Variants in KIAA1217 observed in about 807,000 individuals in gnomAD.
The protein encoded by KIAA1217 is sickle tail protein homolog.
Under a neutral mutation model 163.9 loss-of-function variants are expected in KIAA1217, and 88 were observed. The observed-to-expected ratio is 0.54, with a 90% CI of 0.45 to 0.64. The LOEUF is 0.64. Ranked by LOEUF, KIAA1217 falls within the 30% of genes least tolerant of loss-of-function variation. The pLI is 0.00. For missense variants in KIAA1217, 2,372 were observed against 2,475.0 expected (o/e 0.96, Z 0.88); for synonymous variants, 903 against 923.1 (o/e 0.98, Z 0.39).
chr10:24,309,811 C>T (rs2042478294), intron 2 of KIAA1217, among the ~76,000 whole-genome samples: 1 of 152,148 alleles, frequency 6.6e-6, no homozygotes, highest in Non-Finnish European at 1.5e-5. Context: ...CAGGGTGGCT[C>T]TTCCCTGGTT....
intron 2 of KIAA1217, among the ~76,000 whole-genome samples, chr10:24,139,459 T>C (rs1319196572): frequency 1.3e-5 from 2 of 152,114 alleles, no homozygotes; most frequent in Non-Finnish European, 2.9e-5. Flanking sequence ...GCCAAAATAT[T>C]CTAATTATTA....
intron 2 of KIAA1217, among the ~76,000 whole-genome samples, chr10:24,248,572 G>C (rs2074101794): frequency 6.8e-6 from 1 of 146,392 alleles, no homozygotes; most frequent in Admixed American, 7.3e-5. Context: ...TAGGGGGGCT[G>C]AGACAGGAGA....
chr10:23,975,256 C>T (rs1251392905), intron 1 of KIAA1217, among the ~76,000 whole-genome samples: 2 of 152,102 alleles, frequency 1.3e-5, no homozygotes, highest in South Asian at 2.1e-4. Context: ...TTTACTGCTC[C>T]GTGGGTCTCT....
At chr10:24,545,506 T>TCA (rs1411098410) in intron 20 of KIAA1217, 2 of 1,289,970 alleles carry the variant, frequency 1.6e-6, no homozygotes, top group African/African-American at 3.0e-5. Flanking sequence ...TAACACTCCG[T>TCA]CACAATGCCC....
intron 2 of KIAA1217, among the ~76,000 whole-genome samples, chr10:24,242,427 C>T (rs967255080): frequency 2.0e-5 from 3 of 152,200 alleles, no homozygotes; most frequent in African/African-American, 7.2e-5. Flanking sequence ...GAAATGATTT[C>T]ATTCTTTTTT....
At chr10:23,737,292 A>G (rs7899462) in intron 1 of KIAA1217, among the ~76,000 whole-genome samples, 33,170 of 151,910 alleles carry the variant, frequency 0.22, 3,858 homozygotes, top group African/African-American at 0.28. Flanking sequence ...TCTGCCTCCC[A>G]GGTTCAAGCG....
At chr10:23,920,834 T>C (rs1157348342) in intron 1 of KIAA1217, among the ~76,000 whole-genome samples, 1 of 152,184 alleles carries the variant, frequency 6.6e-6, no homozygotes, top group Non-Finnish European at 1.5e-5. Flanking sequence ...TCATGTATCA[T>C]GGAAGGGACA....
In KIAA1217 at chr10:23,981,567, C is replaced by T. The variant is rs1215446762; in HGVS notation, c.-320-25658C>T. Among the ~76,000 whole-genome samples the T allele has an allele frequency of 3.9e-5, 6 of 152,252 alleles. No homozygotes were observed. The East Asian group carries it at 7.7e-4, about 20-fold the overall frequency. On this transcript the variant is annotated intron_variant, in intron 1 of 18. Coordinates refer to the KIAA1217 transcript ENST00000376462. ...GCAGGTAATAATAAGCTAAAAAATG[C>T]ATTTCTTTTATTTTCTGTAAGGATT...
intron 2 of KIAA1217, among the ~76,000 whole-genome samples, chr10:24,067,846 G>T (rs905517083): frequency 5.9e-5 from 9 of 152,210 alleles, no homozygotes; most frequent in Non-Finnish European, 1.3e-4. Context: ...GCAATGGCGG[G>T]TGCCCCTCCC....
chr10:24,256,138 G>A (rs1261361655), intron 2 of KIAA1217, among the ~76,000 whole-genome samples: 1 of 151,434 alleles, frequency 6.6e-6, no homozygotes, highest in Non-Finnish European at 1.5e-5. Flanking sequence ...CTAAAAGCAG[G>A]CACAGTTGCC....
chr10:24,061,123 T>C (rs1371288483), intron 2 of KIAA1217, among the ~76,000 whole-genome samples: 1 of 152,200 alleles, frequency 6.6e-6, no homozygotes, highest in African/African-American at 2.4e-5. Flanking sequence ...AAAATTAATA[T>C]GTTTTGATTC....
chr10:24,360,196 G>A lies in KIAA1217; in HGVS notation c.355-20673G>A, dbSNP rs576105138. ...CGAGTAGCTGGGATTACAGGCACACGCCACCATACCCGGCTAATTCTTTGT... is the reference window on the plus strand; with the variant it reads ...CGAGTAGCTGGGATTACAGGCACACACCACCATACCCGGCTAATTCTTTGT... On this transcript the variant is annotated intron_variant, in intron 2 of 20. Coordinates refer to ENST00000376454, the MANE Select transcript of KIAA1217 (RefSeq NM_019590.5). 1.8e-4 allele frequency among the ~76,000 whole-genome samples: 28 copies of A among 151,840 alleles called. 1 individual carries two copies. Among genetic ancestry groups the A allele is most frequent in the South Asian group, 1.7e-3 (8 of 4,798 alleles).
chr10:24,167,795 T>C (rs1007829657), intron 2 of KIAA1217, among the ~76,000 whole-genome samples: 31 of 152,302 alleles, frequency 2.0e-4, no homozygotes, highest in African/African-American at 7.0e-4. Context: ...GAGAAATTTA[T>C]TGGCTCATAA....
chr10:23,840,721 TGTAA>T (rs1342134754), intron 1 of KIAA1217, among the ~76,000 whole-genome samples: 5 of 152,232 alleles, frequency 3.3e-5, no homozygotes, highest in African/African-American at 1.2e-4. Flanking sequence ...ATGTGTTTAT[TGTAA>T]GTTACAGTAC....
chr10:23,835,764 A>G (rs1838416974), intron 1 of KIAA1217, among the ~76,000 whole-genome samples: 1 of 151,964 alleles, frequency 6.6e-6, no homozygotes, highest in South Asian at 2.1e-4. Flanking sequence ...CCCATTTCAC[A>G]TATAGCCAAG....
chr10:23,789,585 T>C (rs1046256785), intron 1 of KIAA1217, among the ~76,000 whole-genome samples: 3 of 152,090 alleles, frequency 2.0e-5, no homozygotes, highest in Admixed American at 6.6e-5. Flanking sequence ...GAGTGAAGCC[T>C]TGGCAAGATA....
chr10:23,753,883 G>T (rs1255170307), intron 1 of KIAA1217, among the ~76,000 whole-genome samples: 1 of 152,208 alleles, frequency 6.6e-6, no homozygotes, highest in African/African-American at 2.4e-5. Context: ...TTTCAACTTT[G>T]CCTTAAGATC....
At chr10:23,884,675 CA>C (rs1420770064) in intron 1 of KIAA1217, among the ~76,000 whole-genome samples, 1 of 151,944 alleles carries the variant, frequency 6.6e-6, no homozygotes, top group East Asian at 1.9e-4. Context: ...GAAATTCAGG[CA>C]CTATAAAACA....
intron 1 of KIAA1217, among the ~76,000 whole-genome samples, chr10:23,964,424 T>C (rs1283181446): frequency 6.6e-6 from 1 of 152,142 alleles, no homozygotes; most frequent in Non-Finnish European, 1.5e-5. Context: ...ATAGTTTCTT[T>C]ATTAGATCCC....
Sources: gnomAD v4.1 joint callset for allele counts (sites outside exome capture counted in the v4.1 genomes callset) on GRCh38, gnomAD v4.1.1 for gene constraint, MANE v1.5 for transcripts, NCBI Gene and HGNC (gene_info 2026-07-23, HGNC 2026-07-21) for gene names.